The following HS3ST4 variants were observed in gnomAD, a reference collection of about 807,000 sequenced individuals.
HS3ST4 encodes the protein heparan sulfate glucosamine 3-O-sulfotransferase 4.
A neutral mutation model predicts 29.2 loss-of-function variants in HS3ST4; 17 were observed. The ratio of observed to expected loss-of-function variants is 0.58; its 90% CI spans 0.40 to 0.87. HS3ST4 has a LOEUF of 0.87. Among genes scored for constraint, HS3ST4 ranks in the 40% least tolerant of loss-of-function variants. The pLI, the probability that HS3ST4 is intolerant of heterozygous loss-of-function variation, is 0.00. For synonymous variants in HS3ST4, 314 were observed against 285.7 expected (o/e 1.10, Z -1.00); for missense variants, 627 against 634.5 (o/e 0.99, Z 0.13).
intron 1 of HS3ST4, among the ~76,000 whole-genome samples, chr16:26,129,826 C>G (rs555385534): frequency 6.6e-6 from 1 of 152,292 alleles, no homozygotes; most frequent in Non-Finnish European, 1.5e-5. Context: ...AATTTGCACT[C>G]TCAGCCTCAG....
intron 1 of HS3ST4, among the ~76,000 whole-genome samples, chr16:26,060,949 G>C (rs944168048): frequency 8.5e-5 from 13 of 152,318 alleles, no homozygotes; most frequent in African/African-American, 2.4e-4. Context: ...ACTCTGCAGT[G>C]AGTCCTCAGT....
At chr16:25,850,499 A>T (rs541453842) in intron 1 of HS3ST4, among the ~76,000 whole-genome samples, 2 of 152,292 alleles carry the variant, frequency 1.3e-5, no homozygotes, top group South Asian at 2.1e-4. Flanking sequence ...AAGTTACTTC[A>T]TTACTTCTAA....
chr16:26,058,136 C>T (rs1056803468), intron 1 of HS3ST4, among the ~76,000 whole-genome samples: 2 of 152,184 alleles, frequency 1.3e-5, no homozygotes, highest in African/African-American at 4.8e-5. Context: ...TATACATGTT[C>T]TCCAAGCTAT....
At chr16:25,953,470 C>G (rs929686101) in intron 1 of HS3ST4, among the ~76,000 whole-genome samples, 5 of 152,158 alleles carry the variant, frequency 3.3e-5, no homozygotes, top group African/African-American at 1.2e-4. Context: ...CCTTTGCTAC[C>G]CAGTGAGGCC....
At chr16:25,812,281 A>T (rs934624172) in intron 1 of HS3ST4, among the ~76,000 whole-genome samples, 2 of 152,156 alleles carry the variant, frequency 1.3e-5, no homozygotes, top group African/African-American at 4.8e-5. Context: ...CCTCACCTAC[A>T]TCCCTAGCCT....
intron 1 of HS3ST4, among the ~76,000 whole-genome samples, chr16:25,743,928 A>C (rs1430293998): frequency 1.3e-5 from 2 of 152,182 alleles, no homozygotes; most frequent in Admixed American, 1.3e-4. Flanking sequence ...CATTTCCCAT[A>C]GTCTTTATCA....
intron 1 of HS3ST4, among the ~76,000 whole-genome samples, chr16:25,897,660 G>C (rs150583263): frequency 2.1e-4 from 32 of 152,058 alleles, no homozygotes; most frequent in African/African-American, 7.7e-4. Context: ...GGTGGTAGGG[G>C]GGCAGTAGAA....
At chr16:25,881,986 C>T (rs1436206904) in intron 1 of HS3ST4, among the ~76,000 whole-genome samples, 1 of 152,150 alleles carries the variant, frequency 6.6e-6, no homozygotes, top group East Asian at 1.9e-4. Flanking sequence ...ACCTTTCCTT[C>T]TTATAGTTTT....
At chr16:25,835,795 T>C (rs2141641932) in intron 1 of HS3ST4, among the ~76,000 whole-genome samples, 1 of 152,346 alleles carries the variant, frequency 6.6e-6, no homozygotes, top group South Asian at 2.1e-4. Context: ...TTTTCTCTCT[T>C]ATACCAAAGG....
At chr16:25,745,882 G>A (rs1329911568) in intron 1 of HS3ST4, among the ~76,000 whole-genome samples, 2 of 152,082 alleles carry the variant, frequency 1.3e-5, no homozygotes, top group Admixed American at 1.3e-4. Flanking sequence ...TCTTCATCTG[G>A]TCTGTATAGT....
chr16:26,025,459 T>C (rs1969460016), intron 1 of HS3ST4: 1 of 154,390 alleles, frequency 6.5e-6, no homozygotes, highest in African/African-American at 2.4e-5. Context: ...TATTCAGATC[T>C]ACAGGCCACA....
At chr16:25,981,449 G>C (rs1969004330) in intron 1 of HS3ST4, among the ~76,000 whole-genome samples, 1 of 152,104 alleles carries the variant, frequency 6.6e-6, no homozygotes, top group South Asian at 2.1e-4. Context: ...CTCTTGGAGA[G>C]TCAAGGCCCC....
At position 26,040,765 on chromosome 16, in the gene HS3ST4, A is replaced by T. The variant is rs118042754; in HGVS notation, c.735-94847A>T. On this transcript the variant is annotated intron_variant, in intron 1 of 1. Transcript: ENST00000331351. ...TATGGAAGTCATAAGTATTACCCTTAACATAGTTGTCACTGTCATCTTCAT... is the reference window on the plus strand; with the variant it reads ...TATGGAAGTCATAAGTATTACCCTTTACATAGTTGTCACTGTCATCTTCAT... Among the ~76,000 whole-genome samples the T allele has an allele frequency of 7.4e-3, 1,133 of 152,230 alleles. 7 individuals are homozygous for T. The highest frequency in any genetic ancestry group is 9.4e-3 in the Non-Finnish European group (636 of 68,016).
intron 1 of HS3ST4, among the ~76,000 whole-genome samples, chr16:25,896,410 T>C (rs762832661): frequency 1.2e-4 from 19 of 152,180 alleles, no homozygotes; most frequent in Non-Finnish European, 2.1e-4. Flanking sequence ...GTCTTCATTA[T>C]AAATCATCAG....
At chr16:26,023,421 A>C (rs1596647716) in intron 1 of HS3ST4, among the ~76,000 whole-genome samples, 1 of 151,820 alleles carries the variant, frequency 6.6e-6, no homozygotes, top group African/African-American at 2.4e-5. Flanking sequence ...TTTTTTTAAG[A>C]CAGGGTCTCA....
At chr16:25,772,925 C>T (rs1429471679) in intron 1 of HS3ST4, among the ~76,000 whole-genome samples, 2 of 152,120 alleles carry the variant, frequency 1.3e-5, no homozygotes, top group Non-Finnish European at 2.9e-5. Flanking sequence ...GAAGATGCCA[C>T]GTTCAGCTCT....
chr16:25,817,149 C>A (rs1249554103), intron 1 of HS3ST4, among the ~76,000 whole-genome samples: 1 of 152,226 alleles, frequency 6.6e-6, no homozygotes, highest in African/African-American at 2.4e-5. Flanking sequence ...GGTTATTTAA[C>A]CTTCTCACTC....
chr16:25,776,734 CTG>C (rs1393583819), intron 1 of HS3ST4, among the ~76,000 whole-genome samples: 1 of 152,210 alleles, frequency 6.6e-6, no homozygotes, highest in Non-Finnish European at 1.5e-5. Context: ...TCCCTTTTAT[CTG>C]AAGCTCAAAC....
At chr16:25,762,891 A>AAC (rs901658583) in intron 1 of HS3ST4, among the ~76,000 whole-genome samples, 1 of 150,220 alleles carries the variant, frequency 6.7e-6, no homozygotes, top group Non-Finnish European at 1.5e-5. Flanking sequence ...AAAAAAAAAA[A>AAC]AAAAAAAAGA....
Sources: gnomAD v4.1 joint callset for allele counts (sites outside exome capture counted in the v4.1 genomes callset) on GRCh38, gnomAD v4.1.1 for gene constraint, MANE v1.5 for transcripts, NCBI Gene and HGNC (gene_info 2026-07-23, HGNC 2026-07-21) for gene names.